The following ERBB4 variants were observed in gnomAD, a reference collection of about 807,000 sequenced individuals.
ERBB4 encodes the protein receptor tyrosine-protein kinase erbB-4.
ERBB4 carries 42 observed loss-of-function variants against 158.0 expected under a neutral mutation model. The ratio of observed to expected loss-of-function variants is 0.27; its 90% CI spans 0.21 to 0.34. The LOEUF (loss-of-function observed/expected upper bound fraction) is 0.34, where lower values mean the gene tolerates loss of function less well. Ranked by LOEUF, ERBB4 falls within the 10% of genes least tolerant of loss-of-function variation. The pLI, the probability that ERBB4 is intolerant of heterozygous loss-of-function variation, is 1.00. For missense variants in ERBB4, 1,333 were observed against 1,624.1 expected (o/e 0.82, Z 3.08); for synonymous variants, 583 against 558.7 (o/e 1.04, Z -0.61).
intron 1 of ERBB4, among the ~76,000 whole-genome samples, chr2:212,178,855 GA>G (rs1163116746): frequency 2.0e-5 from 3 of 151,110 alleles, no homozygotes; most frequent in Non-Finnish European, 4.4e-5. Context: ...CTCTTGCTTA[GA>G]AAAAAAATTA....
At chr2:212,504,976 A>G (rs1691108096) in intron 1 of ERBB4, among the ~76,000 whole-genome samples, 1 of 152,260 alleles carries the variant, frequency 6.6e-6, no homozygotes, top group Non-Finnish European at 1.5e-5. Flanking sequence ...AATTATAACT[A>G]AAATACTAGT....
chr2:212,207,119 GC>G (rs1402070721), intron 1 of ERBB4, among the ~76,000 whole-genome samples: 1 of 151,824 alleles, frequency 6.6e-6, no homozygotes, highest in Non-Finnish European at 1.5e-5. Flanking sequence ...TTCCAGAAAA[GC>G]CATCTCCTCA....
chr2:211,783,536 C>T (rs1393346093), intron 4 of ERBB4, among the ~76,000 whole-genome samples: 3 of 152,120 alleles, frequency 2.0e-5, no homozygotes, highest in East Asian at 1.9e-4. Context: ...TTTTGAGATA[C>T]GTCCCATCAG....
intron 1 of ERBB4, among the ~76,000 whole-genome samples, chr2:212,331,807 A>G (rs2088189200): frequency 6.6e-6 from 1 of 152,036 alleles, no homozygotes; most frequent in African/African-American, 2.4e-5. Context: ...GGTCATTTTT[A>G]TACAGTAATT....
chr2:212,491,957 C>A (rs979739272), intron 1 of ERBB4, among the ~76,000 whole-genome samples: 2 of 151,400 alleles, frequency 1.3e-5, no homozygotes, highest in Non-Finnish European at 1.5e-5. Flanking sequence ...ATGTTCCATA[C>A]AAAGACATTT....
intron 2 of ERBB4, among the ~76,000 whole-genome samples, chr2:212,106,089 A>G (rs2079218419): frequency 6.6e-6 from 1 of 152,222 alleles, no homozygotes; most frequent in African/African-American, 2.4e-5. Flanking sequence ...AACTGGTACC[A>G]GTAGAGTGGG....
At chr2:211,777,510 A>G (rs542690857) in intron 4 of ERBB4, 34 of 152,276 alleles carry the variant, frequency 2.2e-4, no homozygotes, top group African/African-American at 8.2e-4. Flanking sequence ...CCCTGTCACT[A>G]TCTCATGCCT....
intron 1 of ERBB4, among the ~76,000 whole-genome samples, chr2:212,161,500 A>C (rs1163915141): frequency 6.6e-6 from 1 of 151,954 alleles, no homozygotes; most frequent in East Asian, 1.9e-4. Flanking sequence ...GAGCAGGAAA[A>C]GTTTTCTGCT....
Position 211,673,167 on chromosome 2 carries a change from T to C in ERBB4, c.1713A>G (p.Gly571=), listed in dbSNP as rs1056786934. The C allele has an allele frequency of 1.2e-6, 2 of 1,608,338 alleles. No homozygotes were observed. Among genetic ancestry groups the C allele is most frequent in the African/African-American group, 2.7e-5 (2 of 74,886 alleles). The stretch of plus-strand genomic sequence containing the variant: ...CCACAGATGTCTTCAGGCTTACCGG[T>C]CCATGGCATGTGAGGAGGCCATCTT... ...KMEDGLLTCH[G]PGPDNCTKCS... is the part of the protein sequence containing the mutation. The change falls in exon 14 of 28, where the codon GGA becomes GGG. Residue 571 remains glycine (G), a synonymous_variant. Coordinates refer to ENST00000342788, the MANE Select transcript of ERBB4 (RefSeq NM_005235.3).
At chr2:211,559,363 T>C (rs1174381452) in intron 20 of ERBB4, among the ~76,000 whole-genome samples, 1 of 152,234 alleles carries the variant, frequency 6.6e-6, no homozygotes, top group African/African-American at 2.4e-5. Flanking sequence ...AATACTTCAG[T>C]AACTACCTAC....
At chr2:212,355,453 A>C (rs950029577) in intron 1 of ERBB4, among the ~76,000 whole-genome samples, 8 of 152,074 alleles carry the variant, frequency 5.3e-5, no homozygotes, top group Non-Finnish European at 8.8e-5. Context: ...AAGTCTTTAA[A>C]TAGTCATTGT....
intron 1 of ERBB4, among the ~76,000 whole-genome samples, chr2:212,136,295 G>A (rs1405750549): frequency 7.2e-5 from 11 of 152,162 alleles, no homozygotes; most frequent in Non-Finnish European, 1.5e-5. Flanking sequence ...TTCAGAGTGA[G>A]ACTTCCTTTT....
chr2:211,513,160 G>A (rs1378207806), intron 20 of ERBB4, among the ~76,000 whole-genome samples: 2 of 151,714 alleles, frequency 1.3e-5, no homozygotes, highest in African/African-American at 4.8e-5. Context: ...AGGAAAAAGA[G>A]AACTGTCAAC....
chr2:211,747,498 G>A (rs2075010379), intron 5 of ERBB4, among the ~76,000 whole-genome samples: 1 of 152,030 alleles, frequency 6.6e-6, no homozygotes, highest in African/African-American at 2.4e-5. Context: ...TCTAGAAGGG[G>A]GTATTTTTCG....
rs570209840 is a variant in ERBB4, at chr2:211,510,608, G to GT, written c.2487+51294_2487+51295insA. On this transcript the variant is annotated intron_variant, in intron 20 of 27. Coordinates refer to ENST00000342788, the MANE Select transcript of ERBB4 (RefSeq NM_005235.3). ...TCATTCAAAATACTCAGAATTCATG[G>GT]ATCTTTTCAGATGTGATTATCTTGA... Among the ~76,000 whole-genome samples the GT allele has an allele frequency of 3.1e-3, 471 of 152,044 alleles. 4 individuals are homozygous for GT. The highest frequency in any genetic ancestry group is 0.011 in the African/African-American group (443 of 41,510).
chr2:212,137,221 T>C (rs1470352374), intron 1 of ERBB4, among the ~76,000 whole-genome samples: 1 of 152,194 alleles, frequency 6.6e-6, no homozygotes, highest in Non-Finnish European at 1.5e-5. Context: ...GCAGGTTTTT[T>C]ACATTGGTAA....
chr2:211,573,623 T>C (rs1225804458), intron 19 of ERBB4, among the ~76,000 whole-genome samples: 1 of 152,012 alleles, frequency 6.6e-6, no homozygotes, highest in Non-Finnish European at 1.5e-5. Context: ...TGAGCCGAGA[T>C]GGTGTCACTG....
intron 2 of ERBB4, among the ~76,000 whole-genome samples, chr2:212,097,374 C>G (rs1310199552): frequency 6.6e-6 from 1 of 152,102 alleles, no homozygotes; most frequent in Admixed American, 6.5e-5. Flanking sequence ...AGATGAAAAC[C>G]ATTTCAGGTA....
intron 18 of ERBB4, among the ~76,000 whole-genome samples, chr2:211,621,045 G>A (rs1454393346): frequency 6.6e-6 from 1 of 152,142 alleles, no homozygotes; most frequent in Non-Finnish European, 1.5e-5. Flanking sequence ...AGCCCAGGAG[G>A]TTGAGGCTAC....
Sources: gnomAD v4.1 joint callset for allele counts (sites outside exome capture counted in the v4.1 genomes callset) on GRCh38, gnomAD v4.1.1 for gene constraint, MANE v1.5 for transcripts, NCBI Gene and HGNC (gene_info 2026-07-23, HGNC 2026-07-21) for gene names.